The following CMIP variants were observed in gnomAD, a reference collection of about 807,000 sequenced individuals.
The protein encoded by CMIP is C-Maf-inducing protein.
CMIP carries 13 observed loss-of-function variants against 97.3 expected under a neutral mutation model. That is an observed-to-expected ratio of 0.13 (90% CI 0.09 to 0.21). The LOEUF (loss-of-function observed/expected upper bound fraction) is 0.21. CMIP is among the 10% of genes least tolerant of loss of function. The pLI is 1.00. For synonymous variants in CMIP, 538 were observed against 436.3 expected (o/e 1.23, Z -2.91); for missense variants, 847 against 1,024.9 (o/e 0.83, Z 2.37).
At chr16:81,516,766 G>A (rs1170275604) in intron 1 of CMIP, among the ~76,000 whole-genome samples, 1 of 152,242 alleles carries the variant, frequency 6.6e-6, no homozygotes, top group Admixed American at 6.5e-5. Context: ...AATAGATATC[G>A]AAGCATCTAG....
chr16:81,615,062 GGTGT>G (rs929848087), intron 2 of CMIP, among the ~76,000 whole-genome samples: 2 of 129,306 alleles, frequency 1.5e-5, no homozygotes, highest in Admixed American at 7.9e-5. Flanking sequence ...GTCTGTGTGA[GGTGT>G]GTGTCTGTGT....
intron 20 of CMIP, among the ~76,000 whole-genome samples, chr16:81,708,138 C>T (rs528535148): frequency 4.6e-5 from 7 of 152,300 alleles, no homozygotes; most frequent in East Asian, 3.9e-4. Context: ...CAAACCAAGG[C>T]GGGCAGAGGG....
At chr16:81,465,269 G>C (rs1158597463) in intron 1 of CMIP, among the ~76,000 whole-genome samples, 1 of 152,160 alleles carries the variant, frequency 6.6e-6, no homozygotes, top group African/African-American at 2.4e-5. Flanking sequence ...ATCCATACTT[G>C]ATGATGCTGT....
intron 1 of CMIP, among the ~76,000 whole-genome samples, chr16:81,485,669 C>G: frequency 6.6e-6 from 1 of 152,224 alleles, no homozygotes; most frequent in East Asian, 1.9e-4. Context: ...CTAACATTAA[C>G]TGAGCACTTA....
chr16:81,521,662 T>C (rs1377051533), intron 1 of CMIP, among the ~76,000 whole-genome samples: 1 of 152,184 alleles, frequency 6.6e-6, no homozygotes, highest in Non-Finnish European at 1.5e-5. Context: ...TTTCTTTTCC[T>C]TCTAAGTCTT....
intron 1 of CMIP, among the ~76,000 whole-genome samples, chr16:81,488,586 G>C (rs983338396): frequency 2.0e-5 from 3 of 152,076 alleles, no homozygotes; most frequent in Non-Finnish European, 4.4e-5. Context: ...TGCTATAAGG[G>C]TGACATGCCT....
intron 7 of CMIP, among the ~76,000 whole-genome samples, chr16:81,668,924 T>TTCCACACCCACCTCACA (rs2092643243): frequency 1.4e-5 from 1 of 70,800 alleles, no homozygotes; most frequent in Non-Finnish European, 2.7e-5. Flanking sequence ...CACCTCACAC[T>TTCCACACCCACCTCACA]CACGGCCTTC....
chr16:81,495,496 T>C (rs372352128), intron 1 of CMIP: 7 of 1,612,850 alleles, frequency 4.3e-6, no homozygotes, highest in Non-Finnish European at 5.1e-6. Flanking sequence ...GCTGCTGAGG[T>C]ACAGTCCCAT....
At chr16:81,522,719 A>G (rs764475286) in intron 1 of CMIP, among the ~76,000 whole-genome samples, 1 of 152,116 alleles carries the variant, frequency 6.6e-6, no homozygotes, top group Non-Finnish European at 1.5e-5. Context: ...CATTGTTAGT[A>G]TGTTGTCCTC....
At chr16:81,525,659 A>T (rs975628473) in intron 1 of CMIP, among the ~76,000 whole-genome samples, 1 of 152,168 alleles carries the variant, frequency 6.6e-6, no homozygotes, top group Non-Finnish European at 1.5e-5. Flanking sequence ...TTTAAATGTT[A>T]AAGTTCGTTG....
rs1555549292 is a variant in CMIP, at chr16:81,678,639, C to CG, written c.1388+11_1388+12insG. On this transcript the variant is annotated intron_variant, in intron 10 of 20. Coordinates refer to ENST00000537098, the MANE Select transcript of CMIP (RefSeq NM_198390.3). ...AATCCTCAAGCTGCTGTGAGTGCCC[C>CG]CCCCGCGTGCCCGCCCCCGGGGCCG... 2.2e-6 allele frequency: 3 copies of CG among 1,357,628 alleles called. No individual in the cohort carries two copies. The highest frequency in any genetic ancestry group is 2.5e-5 in the South Asian group (2 of 81,384). 84.1% of individuals were successfully genotyped at this position (1,357,628 alleles called of 1,614,324 possible).
At chr16:81,455,317 C>T (rs551521808) in intron 1 of CMIP, among the ~76,000 whole-genome samples, 81 of 152,308 alleles carry the variant, frequency 5.3e-4, no homozygotes, top group Non-Finnish European at 9.4e-4. Context: ...ATCAGTGATC[C>T]GTACAACCCA....
chr16:81,686,415 A>T (rs1905394387), intron 10 of CMIP, among the ~76,000 whole-genome samples: 1 of 152,198 alleles, frequency 6.6e-6, no homozygotes, highest in South Asian at 2.1e-4. Flanking sequence ...GCACTCAAGC[A>T]CTGCAGTCCA....
Position 81,614,366 on chromosome 16 carries a change from C to T in CMIP, c.427-6510C>T, listed in dbSNP as rs909570152. ...CAGTGGGGGAAGGGAGTGTGCCAAG[C>T]GGTGCACGGGTTCTCAGGGGCTCCC... On this transcript the variant is annotated intron_variant, in intron 2 of 20. Coordinates refer to ENST00000537098, the MANE Select transcript of CMIP (RefSeq NM_198390.3). This position sits in a 1 kb window ranked among gnomAD's most constrained non-coding sequence, Gnocchi z 5.3. Among the ~76,000 whole-genome samples, 7 of 152,230 alleles carry T rather than the reference C, an allele frequency of 4.6e-5. No homozygotes were observed. In the South Asian group the frequency reaches 6.2e-4, roughly 14 times the overall value.
At chr16:81,622,708 G>C (rs1304612173) in intron 3 of CMIP, among the ~76,000 whole-genome samples, 1 of 152,188 alleles carries the variant, frequency 6.6e-6, no homozygotes, top group Non-Finnish European at 1.5e-5. Context: ...GTCAGGTGCG[G>C]TATCCCACAA....
chr16:81,450,553 T>C (rs1906143519), intron 1 of CMIP, among the ~76,000 whole-genome samples: 1 of 152,190 alleles, frequency 6.6e-6, no homozygotes, highest in African/African-American at 2.4e-5. Flanking sequence ...TTTTGCTAAT[T>C]GCCCTGAAAG....
intron 1 of CMIP, among the ~76,000 whole-genome samples, chr16:81,529,689 T>C (rs1009180926): frequency 6.6e-6 from 1 of 151,058 alleles, no homozygotes. Context: ...GGTGGGAGAG[T>C]CTGAGTCTGA....
intron 1 of CMIP, among the ~76,000 whole-genome samples, chr16:81,493,361 CGTT>C (rs2089435552): frequency 1.2e-5 from 1 of 80,076 alleles, no homozygotes; most frequent in Non-Finnish European, 2.5e-5. Context: ...CGTTACCTGT[CGTT>C]ACCTGTCGTT....
intron 1 of CMIP, among the ~76,000 whole-genome samples, chr16:81,555,143 C>G (rs1429910375): frequency 6.6e-6 from 1 of 152,190 alleles, no homozygotes; most frequent in Non-Finnish European, 1.5e-5. Context: ...AGCAGGAGGG[C>G]AAAGAAAGCC....
Sources: gnomAD v4.1 joint callset for allele counts (sites outside exome capture counted in the v4.1 genomes callset) on GRCh38, gnomAD v4.1.1 for gene constraint, Gnocchi (gnomAD v3.1) non-coding constraint, MANE v1.5 for transcripts, NCBI Gene and HGNC (gene_info 2026-07-23, HGNC 2026-07-21) for gene names.